The following PRKCE variants were observed in gnomAD, a reference collection of about 807,000 sequenced individuals.
PRKCE encodes protein kinase C epsilon type.
In PRKCE, 16 loss-of-function variants were observed where a neutral mutation model predicts 85.4. The observed-to-expected ratio is 0.19, with a 90% CI of 0.13 to 0.28. PRKCE has a LOEUF of 0.28. Ranked by LOEUF, PRKCE falls within the 10% of genes least tolerant of loss-of-function variation. PRKCE has a pLI of 1.00. For missense variants in PRKCE, 573 were observed against 975.2 expected, an observed-to-expected ratio of 0.59 and a Z score of 5.49; for synonymous variants, 388 against 371.5, an observed-to-expected ratio of 1.04 and a Z score of -0.51.
intron 1 of PRKCE, among the ~76,000 whole-genome samples, chr2:45,663,380 G>A (rs1675764004): frequency 6.6e-6 from 1 of 152,174 alleles, no homozygotes; most frequent in Admixed American, 6.5e-5. Context: ...AAGGAGAGGG[G>A]AATTAATGTG....
intron 1 of PRKCE, among the ~76,000 whole-genome samples, chr2:45,668,748 C>A (rs908907245): frequency 1.3e-5 from 2 of 152,156 alleles, no homozygotes; most frequent in Non-Finnish European, 2.9e-5. Context: ...TGGGAATAGT[C>A]ACATTGGCCC....
intron 10 of PRKCE, among the ~76,000 whole-genome samples, chr2:46,020,014 T>G (rs912959176): frequency 3.3e-5 from 5 of 151,998 alleles, no homozygotes; most frequent in Admixed American, 6.5e-5. Context: ...CAGGCCCAGC[T>G]AATTTTTGTA....
intron 14 of PRKCE, among the ~76,000 whole-genome samples, chr2:46,180,241 G>A (rs1457846033): frequency 1.3e-5 from 2 of 152,168 alleles, no homozygotes; most frequent in African/African-American, 2.4e-5. Flanking sequence ...TGGATGTGGG[G>A]CAGAAGGCAG....
intron 11 of PRKCE, among the ~76,000 whole-genome samples, chr2:46,109,143 T>G (rs748915466): frequency 9.2e-5 from 14 of 152,130 alleles, no homozygotes; most frequent in African/African-American, 3.4e-4. Flanking sequence ...TCCCCCAACT[T>G]TCTTCTTCTT....
chr2:45,940,511 G>T (rs1558862624), intron 2 of PRKCE, among the ~76,000 whole-genome samples: 2 of 152,306 alleles, frequency 1.3e-5, no homozygotes, highest in South Asian at 4.1e-4. Context: ...TGGCTTAGTA[G>T]GCCCAAGTCA....
chr2:45,779,072 C>T (rs1685977131), intron 1 of PRKCE, among the ~76,000 whole-genome samples: 1 of 152,184 alleles, frequency 6.6e-6, no homozygotes, highest in South Asian at 2.1e-4. Context: ...TAACTGGATT[C>T]CCGTTTTATA....
intron 13 of PRKCE, among the ~76,000 whole-genome samples, chr2:46,153,491 A>G (rs1429556699): frequency 6.6e-6 from 1 of 152,228 alleles, no homozygotes; most frequent in Admixed American, 6.5e-5. Context: ...AATGAGGAGC[A>G]ACAGGCTGCA....
chr2:46,063,318 C>G (rs916617186), intron 10 of PRKCE, among the ~76,000 whole-genome samples: 61 of 148,374 alleles, frequency 4.1e-4, no homozygotes, highest in African/African-American at 1.4e-3. Flanking sequence ...TTGTGTTATA[C>G]TTTTATGTGT....
intron 10 of PRKCE, among the ~76,000 whole-genome samples, chr2:46,034,564 A>T (rs945338848): frequency 1.3e-5 from 2 of 152,174 alleles, no homozygotes; most frequent in Admixed American, 6.5e-5. Flanking sequence ...CCTTCCGAAG[A>T]TCCTCCCTCC....
Position 46,001,554 on chromosome 2 carries a change from G to C in PRKCE, c.966+8G>C. 6.3e-7 allele frequency: 1 copy of C among 1,597,266 alleles called. No individual in the cohort carries two copies. The highest frequency in any genetic ancestry group is 8.5e-7 in the Non-Finnish European group (1 of 1,178,546). ...GGCCAGAGAAGGAAAAAGGTAACTG[G>C]CTGTTTGGTGGTGTTGCTGGAGCCC... On this transcript the variant is annotated splice_region_variant and intron_variant, in intron 7 of 14. Transcript: ENST00000306156. The surrounding 1 kb of genome is among the most constrained non-coding windows in gnomAD (Gnocchi z 4.4).
intron 2 of PRKCE, among the ~76,000 whole-genome samples, chr2:45,958,734 T>C (rs1701150910): frequency 7.0e-6 from 1 of 141,988 alleles, no homozygotes; most frequent in Non-Finnish European, 1.5e-5. Context: ...GTCAAGGGAT[T>C]GTGGTTATTG....
chr2:46,039,775 C>G (rs1465565249), intron 10 of PRKCE, among the ~76,000 whole-genome samples: 1 of 152,152 alleles, frequency 6.6e-6, no homozygotes, highest in Non-Finnish European at 1.5e-5. Context: ...ATACGAGGCT[C>G]TTCAATTAGA....
chr2:45,836,341 C>A (rs746032602), intron 1 of PRKCE, among the ~76,000 whole-genome samples: 1 of 152,198 alleles, frequency 6.6e-6, no homozygotes, highest in Non-Finnish European at 1.5e-5. Flanking sequence ...TATTTGATTA[C>A]ATGTGTACTC....
chr2:46,079,671 G>A (rs771773827), intron 10 of PRKCE, among the ~76,000 whole-genome samples: 3 of 152,204 alleles, frequency 2.0e-5, no homozygotes, highest in Non-Finnish European at 4.4e-5. Context: ...CGATGTAAGA[G>A]CTATAAAATC....
rs1193610024 is a variant in PRKCE at position 45,652,603 on chromosome 2, A to T, written c.348+155A>T. Among the ~76,000 whole-genome samples, 1 of 152,118 alleles carries T rather than the reference A, an allele frequency of 6.6e-6. No homozygotes were observed. Among genetic ancestry groups the T allele is most frequent in the Non-Finnish European group, 1.5e-5 (1 of 68,022 alleles). The stretch of plus-strand genomic sequence containing the variant: ...TCCTTGGGGAGGTACACTTCACTTC[A>T]TAGTTGGGGAGAAACAGGCATTGGC... On this transcript the variant is annotated intron_variant, in intron 1 of 14. Coordinates refer to ENST00000306156, the MANE Select transcript of PRKCE (RefSeq NM_005400.3). The surrounding 1 kb of genome is among the most constrained non-coding windows in gnomAD (Gnocchi z 7.7).
intron 1 of PRKCE, among the ~76,000 whole-genome samples, chr2:45,838,523 C>T (rs1050905863): frequency 7.2e-5 from 11 of 152,134 alleles, no homozygotes; most frequent in Admixed American, 4.6e-4. Flanking sequence ...CCGATGCCCC[C>T]GAATACCCTG....
intron 10 of PRKCE, among the ~76,000 whole-genome samples, chr2:46,071,280 T>C (rs1261611763): frequency 6.6e-6 from 1 of 152,226 alleles, no homozygotes; most frequent in Admixed American, 6.5e-5. Flanking sequence ...TATGTACTAG[T>C]CAGCTGATTT....
intron 1 of PRKCE, among the ~76,000 whole-genome samples, chr2:45,749,170 G>A (rs1683360519): frequency 6.6e-6 from 1 of 152,206 alleles, no homozygotes; most frequent in African/African-American, 2.4e-5. Context: ...GATTACAAGC[G>A]TGAGCTGAGT....
At chr2:45,768,503 T>C (rs375954592) in intron 1 of PRKCE, among the ~76,000 whole-genome samples, 13 of 152,252 alleles carry the variant, frequency 8.5e-5, no homozygotes, top group African/African-American at 3.1e-4. Flanking sequence ...TTTCCTTCTG[T>C]AAAAACTTAA....
Sources: gnomAD v4.1 joint callset for allele counts (sites outside exome capture counted in the v4.1 genomes callset) on GRCh38, gnomAD v4.1.1 for gene constraint, Gnocchi (gnomAD v3.1) non-coding constraint, MANE v1.5 for transcripts, NCBI Gene and HGNC (gene_info 2026-07-23, HGNC 2026-07-21) for gene names.